The following TIMD4 variants were observed in gnomAD, a reference collection of about 807,000 sequenced individuals.
The protein encoded by TIMD4 is T cell immunoglobulin and mucin domain containing 4, also known as T-cell immunoglobulin and mucin domain-containing protein 4.
TIMD4 carries 31 observed loss-of-function variants against 41.2 expected under a neutral mutation model. That is an observed-to-expected ratio of 0.75 (90% confidence interval 0.57 to 1.01). The LOEUF (loss-of-function observed/expected upper bound fraction) is 1.01, where lower values mean the gene tolerates loss of function less well. TIMD4 is among the 50% of genes least tolerant of loss of function. TIMD4 has a pLI of 0.00. For missense variants in TIMD4, 479 were observed against 472.5 expected (o/e 1.01, Z -0.13); for synonymous variants, 204 against 177.1 (o/e 1.15, Z -1.21).
At chr5:156,936,009 C>T (rs191022344) in intron 5 of TIMD4, among the ~76,000 whole-genome samples, 6 of 152,238 alleles carry the variant, frequency 3.9e-5, no homozygotes, top group East Asian at 1.9e-4. Flanking sequence ...GAGGCCGAGG[C>T]GGCCAGATCT....
chr5:156,954,477 C>T lies in TIMD4; in HGVS notation c.338G>A (p.Arg113His), dbSNP rs139335693. The change falls in exon 2 of 9, where the codon CGC (arginine) becomes CAC (histidine). Residue 113 changes from arginine (R) to histidine (H), a missense_variant. Arg to His is a conservative substitution (Grantham distance 29). Transcript: ENST00000274532. Reference sequence around the variant, plus strand: ...GTTGAACCAGCCAGGCACTTCTATGCGGCAGCAGTACACACCGCTGTCACT... The same window carrying T: ...GTTGAACCAGCCAGGCACTTCTATGTGGCAGCAGTACACACCGCTGTCACT... ...SESDSGVYCCRIEVPGWFNDV... is the reference protein window; with the variant it reads ...SESDSGVYCCHIEVPGWFNDV... 63 of 1,614,088 alleles carry T rather than the reference C, an allele frequency of 3.9e-5. 1 individual carries two copies. In the South Asian group the frequency reaches 6.0e-4, roughly 15 times the overall value.
At chr5:156,943,548 T>C (rs1365762176) in intron 5 of TIMD4, among the ~76,000 whole-genome samples, 19 of 152,124 alleles carry the variant, frequency 1.2e-4, no homozygotes, top group Non-Finnish European at 8.8e-5. Flanking sequence ...AAAGAAAGGA[T>C]AGGGATTTGG....
At position 156,929,844 on chromosome 5, in the gene TIMD4, T is replaced by C. The variant is rs547574351; in HGVS notation, c.845-3532A>G. ...CAACCTTAAACAGGGGTAACCAACC[T>C]AAAAAAAAGTCAGGAAGTGGGTGCT... is the stretch of plus-strand genomic sequence containing the variant. On this transcript the variant is annotated intron_variant, in intron 5 of 8. Coordinates refer to ENST00000274532, the MANE Select transcript of TIMD4 (RefSeq NM_138379.3). 8.6e-5 allele frequency among the ~76,000 whole-genome samples: 13 copies of C among 152,042 alleles called. No individual in the cohort carries two copies. In the East Asian group the frequency reaches 2.5e-3, roughly 29 times the overall value.
intron 8 of TIMD4, among the ~76,000 whole-genome samples, chr5:156,919,970 G>C (rs1275574246): frequency 6.6e-6 from 1 of 152,082 alleles, no homozygotes; most frequent in African/African-American, 2.4e-5. Context: ...CTATAGAATA[G>C]GGCAAATAGC....
At chr5:156,958,698 G>A (rs1002751517) in intron 1 of TIMD4, among the ~76,000 whole-genome samples, 6 of 152,144 alleles carry the variant, frequency 3.9e-5, no homozygotes, top group Admixed American at 6.5e-5. Context: ...GCAATTTCAC[G>A]TTTGTTATCC....
intron 7 of TIMD4, 84 bp from the exon 8 acceptor site, chr5:156,920,587 C>T (rs976684737): frequency 3.5e-5 from 51 of 1,443,896 alleles, no homozygotes; most frequent in African/African-American, 2.7e-4. Context: ...AGTGCTGCCC[C>T]GCAAAGAGCA....
At chr5:156,923,008 G>A (rs1759276940) in intron 6 of TIMD4, among the ~76,000 whole-genome samples, 2 of 151,930 alleles carry the variant, frequency 1.3e-5, no homozygotes, top group Middle Eastern at 3.4e-3. Flanking sequence ...ACAGATACCT[G>A]TATAACAAAC....
At position 156,937,519 on chromosome 5, in the gene TIMD4, C is replaced by T. The variant is rs1286688551; in HGVS notation, c.844+10897G>A. 5.3e-5 allele frequency among the ~76,000 whole-genome samples: 8 copies of T among 152,282 alleles called. No individual in the cohort carries two copies. The East Asian group carries it at 1.5e-3, about 29-fold the overall frequency. On this transcript the variant is annotated intron_variant, in intron 5 of 8. Coordinates refer to ENST00000274532, the MANE Select transcript of TIMD4 (RefSeq NM_138379.3). ...AGAGATGTTTTGGCCTACAGAGGGG[C>T]CACCCAGCTCAGTTTGTTAGCCATC...
At chr5:156,949,453 CTTCTCT>C (rs1759811758) in intron 4 of TIMD4, among the ~76,000 whole-genome samples, 192 bp downstream of exon 4, 1 of 148,240 alleles carries the variant, frequency 6.7e-6, no homozygotes, top group Admixed American at 6.7e-5. Flanking sequence ...CCTCCTCCTC[CTTCTCT>C]CTCTCTCTCT....
chr5:156,940,381 A>G (rs866056753), intron 5 of TIMD4, among the ~76,000 whole-genome samples: 2 of 150,816 alleles, frequency 1.3e-5, no homozygotes, highest in African/African-American at 2.4e-5. Flanking sequence ...CCGCCACCCC[A>G]TCTAGGAAGT....
intron 5 of TIMD4, among the ~76,000 whole-genome samples, chr5:156,939,894 A>G (rs952815813): frequency 6.6e-6 from 1 of 152,202 alleles, no homozygotes; most frequent in Non-Finnish European, 1.5e-5. Context: ...CCCTTGCCAC[A>G]GCAATTTTTC....
chr5:156,933,459 C>T (rs575897739), intron 5 of TIMD4, among the ~76,000 whole-genome samples: 2 of 148,618 alleles, frequency 1.3e-5, no homozygotes, highest in Admixed American at 6.7e-5. Flanking sequence ...GCCCCCCAAC[C>T]CCCCCCCAAA....
intron 2 of TIMD4, among the ~76,000 whole-genome samples, chr5:156,952,814 A>T (rs749894888): frequency 1.4e-4 from 22 of 152,250 alleles, no homozygotes; most frequent in Admixed American, 6.5e-4. Flanking sequence ...TATGCTACAA[A>T]TCCAATAACT....
intron 5 of TIMD4, among the ~76,000 whole-genome samples, chr5:156,946,990 G>C (rs944750005): frequency 2.6e-4 from 39 of 152,028 alleles, no homozygotes; most frequent in African/African-American, 8.4e-4. Context: ...CTGAGCTTAG[G>C]AGTTCAAGAC....
chr5:156,958,145 G>A (rs190516132), intron 1 of TIMD4, among the ~76,000 whole-genome samples: 119 of 151,992 alleles, frequency 7.8e-4, no homozygotes, highest in East Asian at 7.5e-3. Context: ...GGTTGTGGGC[G>A]CCTGTAATCC....
chr5:156,941,104 T>C (rs892569197), intron 5 of TIMD4, among the ~76,000 whole-genome samples: 5 of 152,128 alleles, frequency 3.3e-5, no homozygotes, highest in African/African-American at 1.2e-4. Context: ...GTTAAACAGA[T>C]GCTTGAAGGC....
intron 5 of TIMD4, among the ~76,000 whole-genome samples, chr5:156,930,695 T>C (rs1490372391): frequency 6.6e-6 from 1 of 152,244 alleles, no homozygotes; most frequent in East Asian, 1.9e-4. Flanking sequence ...TTTCATAATG[T>C]ACTGAACAAA....
At chr5:156,958,064 G>C (rs1182162271) in intron 1 of TIMD4, among the ~76,000 whole-genome samples, 2 of 151,952 alleles carry the variant, frequency 1.3e-5, no homozygotes, top group Non-Finnish European at 2.9e-5. Context: ...ATGAAGTTAG[G>C]AGTTCGAGAC....
At chr5:156,922,289 C>G (rs886705022) in intron 6 of TIMD4, 73 bp from the exon 7 acceptor site, 3 of 1,121,830 alleles carry the variant, frequency 2.7e-6, no homozygotes, top group African/African-American at 1.5e-5. Flanking sequence ...CATCCCAGCC[C>G]AATAGCACCT....
Sources: gnomAD v4.1 joint callset for allele counts (sites outside exome capture counted in the v4.1 genomes callset) on GRCh38, gnomAD v4.1.1 for gene constraint, MANE v1.5 for transcripts, NCBI Gene and HGNC (gene_info 2026-07-23, HGNC 2026-07-21) for gene names.